TENM3: variants seen among roughly 807,000 people sequenced by gnomAD.
TENM3 encodes teneurin-3.
Under a neutral mutation model 255.1 loss-of-function variants are expected in TENM3, and 63 were observed. That is an observed-to-expected ratio of 0.25 (90% CI 0.20 to 0.30). The LOEUF is 0.30. TENM3 is among the 10% of genes least tolerant of loss of function. The pLI, the probability that TENM3 is intolerant of heterozygous loss-of-function variation, is 1.00. For missense variants in TENM3, 2,929 were observed against 3,461.1 expected, an observed-to-expected ratio of 0.85 and a Z score of 3.86; for synonymous variants, 1,306 against 1,322.3, an observed-to-expected ratio of 0.99 and a Z score of 0.27.
chr4:182,396,874 A>T lies in TENM3; in HGVS notation c.511+49945A>T, dbSNP rs539400276. 2.4e-4 allele frequency among the ~76,000 whole-genome samples: 37 copies of T among 152,212 alleles called. No individual in the cohort carries two copies. In the South Asian group the frequency reaches 7.1e-3, roughly 29 times the overall value. On this transcript the variant is annotated intron_variant, in intron 3 of 27. Coordinates refer to ENST00000511685, the MANE Select transcript of TENM3 (RefSeq NM_001080477.4). ...CTACTTGGGAGGCTGAGGCAGGAGA[A>T]TTGCTTGTACGCGAGAGTGGGAGGT...
At chr4:182,423,343 C>T (rs1194246985) in intron 3 of TENM3, among the ~76,000 whole-genome samples, 2 of 152,036 alleles carry the variant, frequency 1.3e-5, no homozygotes, top group Admixed American at 1.3e-4. Context: ...TCCAGATCAC[C>T]TTATGTTTGT....
intron 6 of TENM3, among the ~76,000 whole-genome samples, chr4:182,668,872 A>T (rs1030172454): frequency 6.6e-6 from 1 of 152,216 alleles, no homozygotes; most frequent in African/African-American, 2.4e-5. Flanking sequence ...TTGGAAAAAA[A>T]TTCTGAAATT....
chr4:182,111,189 C>CTTTTTTTTTTT, the TENM3 span, among the ~76,000 whole-genome samples: 9 of 80,528 alleles, frequency 1.1e-4, no homozygotes, highest in South Asian at 5.3e-4. Context: ...GTCTTCTTCT[C>CTTTTTTTTTTT]TTTTTTTTTT....
chr4:182,680,766 G>A, intron 10 of TENM3, 29 bp downstream of exon 10: 2 of 1,461,600 alleles, frequency 1.4e-6, no homozygotes, highest in Non-Finnish European at 9.1e-7. Flanking sequence ...ACAGAAGTCT[G>A]TTGTTATCTT....
the TENM3 span, among the ~76,000 whole-genome samples, chr4:181,628,023 A>G: frequency 9.9e-5 from 15 of 152,084 alleles, no homozygotes; most frequent in African/African-American, 3.6e-4. Flanking sequence ...TTTAATGATC[A>G]CCATACTAAC....
the TENM3 span, among the ~76,000 whole-genome samples, chr4:182,103,251 A>G: frequency 6.6e-6 from 1 of 152,382 alleles, no homozygotes; most frequent in East Asian, 1.9e-4. Flanking sequence ...GAGAATTCAA[A>G]TGTAAACCCA....
At chr4:182,690,695 C>T (rs1339025486) in intron 12 of TENM3, among the ~76,000 whole-genome samples, 2 of 152,148 alleles carry the variant, frequency 1.3e-5, no homozygotes, top group Admixed American at 6.5e-5. Context: ...AATAGTTATT[C>T]AACAAATCAT....
chr4:182,529,565 T>A (rs574752652), intron 3 of TENM3, among the ~76,000 whole-genome samples: 107 of 152,274 alleles, frequency 7.0e-4, no homozygotes, highest in Middle Eastern at 3.4e-3. Flanking sequence ...GTATAAATTT[T>A]TTCCACTCCA....
At chr4:182,405,978 T>C (rs188278523) in intron 3 of TENM3, among the ~76,000 whole-genome samples, 3 of 152,194 alleles carry the variant, frequency 2.0e-5, no homozygotes, top group Non-Finnish European at 4.4e-5. Flanking sequence ...AAGCAGTAGG[T>C]TGGCATGAAT....
At chr4:182,214,512 G>GTATTTATTTATTTATT (rs56013840) in intron 1 of TENM3, among the ~76,000 whole-genome samples, 38 of 147,262 alleles carry the variant, frequency 2.6e-4, no homozygotes, top group African/African-American at 3.8e-4. Flanking sequence ...TCTATTTATT[G>GTATTTATTTATTTATT]TATTTATTTA....
At chr4:182,057,985 G>A in the TENM3 span, among the ~76,000 whole-genome samples, 2 of 152,006 alleles carry the variant, frequency 1.3e-5, no homozygotes, top group Non-Finnish European at 2.9e-5. Flanking sequence ...CATTGACCAT[G>A]TTAAATATCT....
the TENM3 span, among the ~76,000 whole-genome samples, chr4:181,588,825 A>G: frequency 6.6e-5 from 10 of 152,326 alleles, no homozygotes; most frequent in Admixed American, 6.5e-4. Flanking sequence ...TCAGTAGACC[A>G]TATCCTGTGG....
chr4:181,718,767 T>C, the TENM3 span, among the ~76,000 whole-genome samples: 9 of 152,222 alleles, frequency 5.9e-5, no homozygotes, highest in African/African-American at 2.2e-4. Flanking sequence ...CCTCTGGACA[T>C]TCCTGAAGGC....
At chr4:182,613,434 T>C (rs1749193740) in intron 4 of TENM3, among the ~76,000 whole-genome samples, 1 of 152,194 alleles carries the variant, frequency 6.6e-6, no homozygotes, top group Non-Finnish European at 1.5e-5. Context: ...ATACTTATAA[T>C]GGGATTTAGT....
chr4:181,455,064 C>T, the TENM3 span, among the ~76,000 whole-genome samples: 1 of 152,036 alleles, frequency 6.6e-6, no homozygotes, highest in Admixed American at 6.6e-5. Flanking sequence ...TTGTATCCCC[C>T]TCACCTGAAA....
chr4:182,677,371 C>T (rs771806438), intron 7 of TENM3, among the ~76,000 whole-genome samples: 1 of 152,136 alleles, frequency 6.6e-6, no homozygotes, highest in South Asian at 2.1e-4. Context: ...CCTTGAAAGA[C>T]CAGCTAAAAC....
rs1760651261 is a variant in TENM3, at chr4:182,730,994, C to A, written c.2822C>A (p.Thr941Asn). ...IPWNVFYVMD[T>N]LVMKKEENDI... is the part of the protein sequence containing the mutation. ...TGGAATGTCTTTTATGTGATGGATA[C>A]CCTAGTCATGAAGAAAGAAGAGAAT... Residue 941 changes from threonine (T) to asparagine (N), a missense_variant, in exon 16 of 28, where the codon ACC becomes AAC. Thr to Asn is a moderately conservative substitution (Grantham distance 65). Around this residue, in one of 6 missense-constraint regions of TENM3, gnomAD observed 1,608 missense variants for 1,884.4 expected, o/e 0.85. Transcript: ENST00000511685. 1.2e-6 allele frequency: 2 copies of A among 1,613,824 alleles called. No individual in the cohort carries two copies. The highest frequency in any genetic ancestry group is 1.7e-6 in the Non-Finnish European group (2 of 1,179,828).
At chr4:182,144,107 T>C (rs72693842), upstream of TENM3, 7,018 of 152,970 alleles carry the variant, frequency 0.046, 240 homozygotes, top group South Asian at 0.12. Context: ...CACAGCCAGG[T>C]CCAGCTCGCC....
chr4:181,669,699 C>T, the TENM3 span, among the ~76,000 whole-genome samples: 1 of 152,180 alleles, frequency 6.6e-6, no homozygotes, highest in Non-Finnish European at 1.5e-5. Flanking sequence ...CCCTTTCTAA[C>T]TTGCAAACCT....
Sources: gnomAD v4.1 joint callset for allele counts (sites outside exome capture counted in the v4.1 genomes callset) on GRCh38, gnomAD v4.1.1 for gene constraint, gnomAD v4.1.1 regional missense constraint, MANE v1.5 for transcripts, NCBI Gene and HGNC (gene_info 2026-07-23, HGNC 2026-07-21) for gene names.